The following ROBO1 variants were observed in gnomAD, a reference collection of about 807,000 sequenced individuals.
The protein encoded by ROBO1 is roundabout homolog 1.
ROBO1 carries 149 observed loss-of-function variants against 195.9 expected under a neutral mutation model. That is an observed-to-expected ratio of 0.76 (90% confidence interval 0.67 to 0.87). The LOEUF (loss-of-function observed/expected upper bound fraction) is 0.87. Ranked by LOEUF, ROBO1 falls within the 40% of genes least tolerant of loss-of-function variation. The pLI, the probability that ROBO1 is intolerant of heterozygous loss-of-function variation, is 0.00. For missense variants in ROBO1, 1,933 were observed against 2,068.3 expected, an observed-to-expected ratio of 0.93 and a Z score of 1.27; for synonymous variants, 816 against 733.2, an observed-to-expected ratio of 1.11 and a Z score of -1.82.
intron 2 of ROBO1, among the ~76,000 whole-genome samples, chr3:79,211,497 G>A (rs1199509296): frequency 6.6e-6 from 1 of 152,146 alleles, no homozygotes; most frequent in Non-Finnish European, 1.5e-5. Flanking sequence ...CCAATGTAGG[G>A]AAAGGTGACT....
At chr3:78,886,222 A>G (rs2036562808) in intron 4 of ROBO1, among the ~76,000 whole-genome samples, 1 of 152,054 alleles carries the variant, frequency 6.6e-6, no homozygotes, top group Admixed American at 6.6e-5. Context: ...AAGCTGATTA[A>G]AAGAATAATA....
Position 79,117,324 on chromosome 3 carries a change from C to T in ROBO1, c.172+8132G>A, listed in dbSNP as rs567427113. Among the ~76,000 whole-genome samples, 14 of 151,712 alleles carry T rather than the reference C, an allele frequency of 9.2e-5. No individual in the cohort carries two copies. In the East Asian group the frequency reaches 2.7e-3, roughly 29 times the overall value. On this transcript the variant is annotated intron_variant, in intron 3 of 30. Coordinates refer to ENST00000464233, the MANE Select transcript of ROBO1 (RefSeq NM_002941.4). ...GGTGGAGGTTGCAGTGAGTCAAGAT[C>T]GCACCACTGCACTCCAGCCTGGGCG...
At chr3:79,587,458 A>G (rs563677106) in intron 2 of ROBO1, among the ~76,000 whole-genome samples, 1 of 151,838 alleles carries the variant, frequency 6.6e-6, no homozygotes, top group African/African-American at 2.4e-5. Context: ...TGAGTCAAGT[A>G]CTACAGAATA....
At chr3:79,273,940 C>T (rs955949921) in intron 2 of ROBO1, among the ~76,000 whole-genome samples, 9 of 151,756 alleles carry the variant, frequency 5.9e-5, no homozygotes, top group Non-Finnish European at 7.4e-5. Context: ...TAATAATAAA[C>T]GGGTTGATTC....
chr3:79,582,331 C>T (rs1229529965), intron 2 of ROBO1, among the ~76,000 whole-genome samples: 1 of 151,492 alleles, frequency 6.6e-6, no homozygotes, highest in East Asian at 1.9e-4. Flanking sequence ...ATTTTTAGCT[C>T]CCCCTTACTC....
intron 2 of ROBO1, among the ~76,000 whole-genome samples, chr3:79,467,791 T>C (rs528104680): frequency 6.6e-6 from 1 of 152,316 alleles, no homozygotes; most frequent in Non-Finnish European, 1.5e-5. Context: ...CTGGCAGGGC[T>C]AAAGGAACAT....
intron 2 of ROBO1, among the ~76,000 whole-genome samples, chr3:79,166,423 C>T (rs1412920949): frequency 6.6e-6 from 1 of 152,062 alleles, no homozygotes; most frequent in African/African-American, 2.4e-5. Context: ...TTATCTCCTG[C>T]ACTTAAGAAA....
At chr3:79,333,309 G>A (rs1289543883) in intron 2 of ROBO1, among the ~76,000 whole-genome samples, 9 of 151,472 alleles carry the variant, frequency 5.9e-5, no homozygotes, top group Admixed American at 5.9e-4. Flanking sequence ...CCTTTGAAAT[G>A]TCTTTGATTT....
chr3:79,473,867 A>G (rs1938411489), intron 2 of ROBO1, among the ~76,000 whole-genome samples: 2 of 152,154 alleles, frequency 1.3e-5, no homozygotes, highest in African/African-American at 2.4e-5. Context: ...TATATCAAGG[A>G]CTGCATTATG....
At chr3:78,765,368 T>A (rs1001913954) in intron 4 of ROBO1, among the ~76,000 whole-genome samples, 8 of 151,984 alleles carry the variant, frequency 5.3e-5, no homozygotes, top group South Asian at 4.1e-4. Context: ...AAATATTTTT[T>A]AAAAAAATAT....
intron 4 of ROBO1, among the ~76,000 whole-genome samples, chr3:78,899,523 T>C (rs932101153): frequency 6.6e-6 from 1 of 152,220 alleles, no homozygotes; most frequent in African/African-American, 2.4e-5. Context: ...AGGCAATGTC[T>C]AGAAACTGGG....
At chr3:79,428,264 A>G (rs1010200612) in intron 2 of ROBO1, among the ~76,000 whole-genome samples, 1 of 152,128 alleles carries the variant, frequency 6.6e-6, no homozygotes, top group Non-Finnish European at 1.5e-5. Flanking sequence ...ACTTATACAC[A>G]CCTACTATGT....
At chr3:79,695,065 T>C (rs940927893) in intron 1 of ROBO1, among the ~76,000 whole-genome samples, 2 of 151,592 alleles carry the variant, frequency 1.3e-5, no homozygotes, top group African/African-American at 4.8e-5. Flanking sequence ...GTAGAACATG[T>C]TAATATACTG....
At chr3:79,535,186 C>T (rs188532231) in intron 2 of ROBO1, among the ~76,000 whole-genome samples, 1 of 152,218 alleles carries the variant, frequency 6.6e-6, no homozygotes, top group Admixed American at 6.6e-5. Flanking sequence ...AACAAATCTT[C>T]TGGGGATACA....
chr3:78,922,866 G>A (rs969411705), intron 4 of ROBO1, among the ~76,000 whole-genome samples: 1 of 152,006 alleles, frequency 6.6e-6, no homozygotes, highest in Non-Finnish European at 1.5e-5. Context: ...CCAAAGTGCT[G>A]GCATTACAGG....
intron 2 of ROBO1, among the ~76,000 whole-genome samples, chr3:79,573,460 G>T (rs541266142): frequency 3.3e-5 from 5 of 152,228 alleles, no homozygotes; most frequent in Non-Finnish European, 7.4e-5. Context: ...CAGTAGATTA[G>T]ATATATGACA....
Position 78,600,254 on chromosome 3 carries a change from A to G in ROBO1, c.4800T>C (p.Asp1600=). 6.2e-7 allele frequency: 1 copy of G among 1,613,276 alleles called. No homozygotes were observed. Among genetic ancestry groups the G allele is most frequent in the East Asian group, 2.2e-5 (1 of 44,836 alleles). ...ATGACATTGAGCTTGAGGAACTGGGATCTCTGGGATTATTTGATGTTGGAA... is the reference window on the plus strand; with the variant it reads ...ATGACATTGAGCTTGAGGAACTGGGGTCTCTGGGATTATTTGATGTTGGAA... ...PTFPTSNNPR[D]PSSSSSMSSR... is the part of the protein sequence containing the mutation. The change falls in exon 30 of 31, where the codon GAT becomes GAC. Residue 1600 remains aspartate (D), a synonymous_variant. Coordinates refer to ENST00000464233, the MANE Select transcript of ROBO1 (RefSeq NM_002941.4).
chr3:79,183,080 C>CAAAAAAAAA (rs1304597488), intron 2 of ROBO1, among the ~76,000 whole-genome samples: 1,406 of 64,650 alleles, frequency 0.022, 25 homozygotes, highest in Middle Eastern at 0.038. Context: ...GACTCCAACT[C>CAAAAAAAAA]AAAAAAAAAA....
At chr3:79,516,956 C>T (rs1940972945) in intron 2 of ROBO1, among the ~76,000 whole-genome samples, 1 of 152,144 alleles carries the variant, frequency 6.6e-6, no homozygotes, top group Admixed American at 6.6e-5. Context: ...AGTAGGTGTT[C>T]CCCACACTCT....
Sources: allele counts gnomAD v4.1 joint callset (sites outside exome capture counted in the v4.1 genomes callset), GRCh38; gene constraint gnomAD v4.1.1; transcripts MANE v1.5; gene names NCBI Gene and HGNC (gene_info 2026-07-23, HGNC 2026-07-21).